The following CAMKMT variants were observed in gnomAD, a reference collection of about 807,000 sequenced individuals.
The protein encoded by CAMKMT is CaM KMT.
Under a neutral mutation model 48.0 loss-of-function variants are expected in CAMKMT, and 53 were observed. The observed-to-expected ratio is 1.10, with a 90% CI of 0.89 to 1.39. The LOEUF (loss-of-function observed/expected upper bound fraction) is 1.39, where lower values mean the gene tolerates loss of function less well. Among genes scored for constraint, CAMKMT ranks in the 40% most tolerant of loss-of-function variants. The pLI is 0.00. For synonymous variants in CAMKMT, 165 were observed against 152.3 expected (o/e 1.08, Z -0.61); for missense variants, 428 against 402.7 (o/e 1.06, Z -0.54).
intron 3 of CAMKMT, among the ~76,000 whole-genome samples, chr2:44,480,295 G>C (rs915882534): frequency 6.6e-6 from 1 of 152,046 alleles, no homozygotes; most frequent in Non-Finnish European, 1.5e-5. Flanking sequence ...ACTTCAGTGG[G>C]TCACTTGCAC....
chr2:44,426,791 A>G (rs556437327), intron 3 of CAMKMT, among the ~76,000 whole-genome samples: 2 of 152,220 alleles, frequency 1.3e-5, no homozygotes, highest in East Asian at 3.9e-4. Flanking sequence ...TGAAATTACC[A>G]ATGTCACTTT....
At chr2:44,744,559 G>A (rs960608292) in intron 8 of CAMKMT, among the ~76,000 whole-genome samples, 1 of 152,074 alleles carries the variant, frequency 6.6e-6, no homozygotes, top group Non-Finnish European at 1.5e-5. Flanking sequence ...GTTTTATCAT[G>A]ATGTTTATTA....
At chr2:44,688,827 T>C (rs1250472356) in intron 3 of CAMKMT, among the ~76,000 whole-genome samples, 1 of 152,224 alleles carries the variant, frequency 6.6e-6, no homozygotes, top group Non-Finnish European at 1.5e-5. Flanking sequence ...AAATAAGTTA[T>C]GCTGCCTAAC....
At chr2:44,725,949 TAGTG>T (rs1308400173) in intron 7 of CAMKMT, among the ~76,000 whole-genome samples, 2 of 152,158 alleles carry the variant, frequency 1.3e-5, no homozygotes, top group Non-Finnish European at 2.9e-5. Context: ...ATCACCCAGG[TAGTG>T]AGCATAGTAT....
chr2:44,636,145 C>T (rs778902315), intron 3 of CAMKMT, among the ~76,000 whole-genome samples: 5 of 151,998 alleles, frequency 3.3e-5, no homozygotes, highest in African/African-American at 4.8e-5. Flanking sequence ...CCATATTATA[C>T]CTGGAAGTGG....
intron 7 of CAMKMT, among the ~76,000 whole-genome samples, chr2:44,728,775 T>C (rs577132757): frequency 1.4e-4 from 21 of 151,926 alleles, no homozygotes; most frequent in Admixed American, 3.9e-4. Flanking sequence ...CTTTGTTGTT[T>C]CTGATTGTGC....
chr2:44,453,734 C>T (rs1667417214), intron 3 of CAMKMT, among the ~76,000 whole-genome samples: 1 of 152,032 alleles, frequency 6.6e-6, no homozygotes, highest in Admixed American at 6.6e-5. Flanking sequence ...ATGTAATCAG[C>T]TTTTAATGAA....
intron 3 of CAMKMT, among the ~76,000 whole-genome samples, chr2:44,594,765 G>A (rs1670550990): frequency 1.3e-5 from 2 of 152,184 alleles, no homozygotes; most frequent in South Asian, 4.1e-4. Flanking sequence ...AAGACTTTAT[G>A]ACTAAAACAC....
chr2:44,371,857 T>C (rs182657376), intron 1 of CAMKMT, among the ~76,000 whole-genome samples: 1 of 152,354 alleles, frequency 6.6e-6, no homozygotes, highest in East Asian at 1.9e-4. Context: ...CCCCATTTTG[T>C]CATAATTTTT....
Position 44,501,064 on chromosome 2 carries a change from GT to G in CAMKMT, c.376+110770del, listed in dbSNP as rs1356092728. On this transcript the variant is annotated intron_variant, in intron 3 of 10. Transcript: ENST00000378494. The stretch of plus-strand genomic sequence containing the variant: ...TTTTTTTTTAACCTTATATATTTTG[GT>G]TTTTTTTTTTCCTGGAGACTTGTAC... 4.0e-3 allele frequency among the ~76,000 whole-genome samples: 579 copies of G among 143,430 alleles called. 4 individuals are homozygous for G. Among genetic ancestry groups the G allele is most frequent in the Admixed American group, 9.0e-3 (130 of 14,368 alleles). The allele number at this position is 143,430 out of a possible 152,430, so 94.1% of individuals were successfully genotyped here.
At chr2:44,669,767 A>G (rs963819658) in intron 3 of CAMKMT, among the ~76,000 whole-genome samples, 12 of 151,920 alleles carry the variant, frequency 7.9e-5, no homozygotes, top group Admixed American at 7.9e-4. Context: ...CCTTCCAAGT[A>G]GCTGGGACTA....
intron 3 of CAMKMT, among the ~76,000 whole-genome samples, chr2:44,472,383 A>T (rs1668466641): frequency 6.6e-6 from 1 of 152,206 alleles, no homozygotes; most frequent in Non-Finnish European, 1.5e-5. Flanking sequence ...AAATGAGATA[A>T]TGTATATAAA....
chr2:44,492,081 G>A (rs534178288), intron 3 of CAMKMT, among the ~76,000 whole-genome samples: 23 of 152,178 alleles, frequency 1.5e-4, no homozygotes, highest in South Asian at 1.2e-3. Flanking sequence ...CACTTCATTT[G>A]AAGGACAGAG....
At chr2:44,595,926 C>A (rs1210492790) in intron 3 of CAMKMT, among the ~76,000 whole-genome samples, 1 of 150,078 alleles carries the variant, frequency 6.7e-6, no homozygotes. Context: ...TAAGTGGGAG[C>A]TGAACAATGA....
intron 3 of CAMKMT, among the ~76,000 whole-genome samples, chr2:44,558,639 G>A (rs2103682926): frequency 6.6e-6 from 1 of 152,244 alleles, no homozygotes; most frequent in South Asian, 2.1e-4. Context: ...CAGCAACATG[G>A]ATGCAGTGGG....
chr2:44,771,224 TA>T (rs1408506632), intron 10 of CAMKMT, among the ~76,000 whole-genome samples: 1 of 152,150 alleles, frequency 6.6e-6, no homozygotes, highest in Non-Finnish European at 1.5e-5. Flanking sequence ...AAGAAATATT[TA>T]TTTTTTTATT....
chr2:44,765,903 G>A (rs1680822667), intron 9 of CAMKMT, among the ~76,000 whole-genome samples: 1 of 152,202 alleles, frequency 6.6e-6, no homozygotes, highest in African/African-American at 2.4e-5. Flanking sequence ...GCTAGGGCAG[G>A]ACTGAAATAT....
At chr2:44,757,405 A>C (rs113774733) in intron 9 of CAMKMT, among the ~76,000 whole-genome samples, 6 of 152,308 alleles carry the variant, frequency 3.9e-5, no homozygotes, top group Non-Finnish European at 7.4e-5. Flanking sequence ...CTTAGGCCCA[A>C]ATCTGGTCTC....
At chr2:44,622,513 T>C (rs1366245215) in intron 3 of CAMKMT, among the ~76,000 whole-genome samples, 1 of 152,170 alleles carries the variant, frequency 6.6e-6, no homozygotes, top group Non-Finnish European at 1.5e-5. Context: ...CTTCCTCTTA[T>C]ATTCCCCAAT....
Sources: allele counts gnomAD v4.1 joint callset (sites outside exome capture counted in the v4.1 genomes callset), GRCh38; gene constraint gnomAD v4.1.1; transcripts MANE v1.5; gene names NCBI Gene and HGNC (gene_info 2026-07-23, HGNC 2026-07-21).